Variants in TSPAN32 observed in about 807,000 individuals in gnomAD.
The protein encoded by TSPAN32 is tetraspanin 32.
TSPAN32 carries 47 observed loss-of-function variants against 42.7 expected under a neutral mutation model. That is an observed-to-expected ratio of 1.10 (90% CI 0.87 to 1.40). The LOEUF is 1.40. Among genes scored for constraint, TSPAN32 ranks in the 40% most tolerant of loss-of-function variants. TSPAN32 has a pLI of 0.00. For synonymous variants in TSPAN32, 175 were observed against 175.9 expected (o/e 0.99, Z 0.04); for missense variants, 469 against 424.1 (o/e 1.11, Z -0.93).
chr11:2,310,291 G>A (rs1438532409), intron 4 of TSPAN32, among the ~76,000 whole-genome samples: 2 of 152,204 alleles, frequency 1.3e-5, no homozygotes, highest in African/African-American at 4.8e-5. Flanking sequence ...GGCCATACAG[G>A]GGCCACAGGA....
intron 4 of TSPAN32, 74 bp downstream of exon 4, chr11:2,308,884 C>A: frequency 9.5e-7 from 1 of 1,050,272 alleles, no homozygotes; most frequent in Non-Finnish European, 1.4e-6. Flanking sequence ...GACTGGGGAG[C>A]AGTCCTGGGA....
At chr11:2,306,738 G>A (rs571092196) in intron 3 of TSPAN32, among the ~76,000 whole-genome samples, 32 of 149,120 alleles carry the variant, frequency 2.1e-4, no homozygotes, top group South Asian at 1.7e-3. Flanking sequence ...GGAGGAGGAG[G>A]ACGAAGAAGG....
intron 4 of TSPAN32, chr11:2,309,395 G>A (rs745352695): frequency 1.5e-5 from 7 of 467,564 alleles, no homozygotes; most frequent in Admixed American, 1.4e-4. Flanking sequence ...CAGGGGCCAA[G>A]GGCGTCCCCG....
chr11:2,309,820 C>G (rs2521277), intron 4 of TSPAN32, among the ~76,000 whole-genome samples: 1 of 151,188 alleles, frequency 6.6e-6, no homozygotes, highest in Non-Finnish European at 1.5e-5. Context: ...AATGGGGGGA[C>G]TCAGGCCCTC....
Position 2,316,487 on chromosome 11 carries a change from C to T in TSPAN32, c.628-89C>T, listed in dbSNP as rs1020787042. 3.1e-6 allele frequency: 5 copies of T among 1,599,926 alleles called. No individual in the cohort carries two copies. The African/African-American group carries it at 4.0e-5, about 13-fold the overall frequency. ...GGGCCTGCCTCCTACAGCTGGGCCGCCCCCTTACACTGCAGAGTCCTGATG... is the reference window on the plus strand; with the variant it reads ...GGGCCTGCCTCCTACAGCTGGGCCGTCCCCTTACACTGCAGAGTCCTGATG... On this transcript the variant is annotated intron_variant, in intron 7 of 9. Transcript: ENST00000182290.
At chr11:2,316,102 C>T (rs745638101) in intron 6 of TSPAN32, 127 bp from the exon 7 acceptor site, 4 of 1,527,162 alleles carry the variant, frequency 2.6e-6, no homozygotes, top group Non-Finnish European at 8.8e-7. Flanking sequence ...GAATGTGCCG[C>T]ACCCGCCGCC....
Position 2,314,576 on chromosome 11 carries a change from G to C in TSPAN32, c.543+5G>C, listed in dbSNP as rs771964174. On this transcript the variant is annotated splice_donor_5th_base_variant and intron_variant, in intron 6 of 9. Transcript: ENST00000182290. ...GGAGAGGAGGCGGCGAGAGAGGTGA[G>C]GGGGGGACCTGGATGCTGGCCAGGC... 21 of 1,601,002 alleles carry C rather than the reference G, an allele frequency of 1.3e-5. No homozygotes were observed. The South Asian group carries it at 2.1e-4, about 16-fold the overall frequency.
chr11:2,308,897 A>C (rs1401298027), intron 4 of TSPAN32, 87 bp downstream of exon 4: 3 of 884,938 alleles, frequency 3.4e-6, no homozygotes, highest in Non-Finnish European at 5.3e-6. Flanking sequence ...TCCTGGGAGG[A>C]GCAGCCCCAG....
At chr11:2,308,284 G>A (rs938563060) in intron 3 of TSPAN32, among the ~76,000 whole-genome samples, 39 of 152,060 alleles carry the variant, frequency 2.6e-4, no homozygotes, top group Non-Finnish European at 2.1e-4. Flanking sequence ...AGTGGGGAGC[G>A]GGACTCAGAC....
intron 6 of TSPAN32, 53 bp downstream of exon 6, chr11:2,314,624 C>G: frequency 6.8e-7 from 1 of 1,473,416 alleles, no homozygotes; most frequent in Non-Finnish European, 9.3e-7. Context: ...GGCTGGACAC[C>G]CTGGGGCCCA....
intron 3 of TSPAN32, among the ~76,000 whole-genome samples, chr11:2,305,484 A>G (rs2077114): frequency 0.7 from 106,285 of 152,028 alleles, 37,610 homozygotes; most frequent in Non-Finnish European, 0.75. Flanking sequence ...AGAAAGAACC[A>G]GCGCTGGGGC....
At chr11:2,302,805 A>T (rs774502605) in intron 1 of TSPAN32, 39 bp from the exon 2 acceptor site, 1 of 1,564,828 alleles carries the variant, frequency 6.4e-7, no homozygotes, top group Admixed American at 1.7e-5. Context: ...CTCCTGCAGC[A>T]GTCCCATGCC....
At chr11:2,302,329 G>C in intron 1 of TSPAN32, 114 bp downstream of exon 1, 1 of 1,174,102 alleles carries the variant, frequency 8.5e-7, no homozygotes, top group Non-Finnish European at 1.1e-6. Context: ...CAGCCCTACT[G>C]TCCCTGTCCT....
Position 2,311,068 on chromosome 11 carries a change from G to A in TSPAN32, c.354+2258G>A, listed in dbSNP as rs1848430556. On this transcript the variant is annotated intron_variant, in intron 4 of 9. Coordinates refer to ENST00000182290, the MANE Select transcript of TSPAN32 (RefSeq NM_139022.3). ...AGCCGGGGGCCCAGAGCCCAGCCCG[G>A]CCCATTCACCCATTCCCCCTGTCCC... 2.6e-5 allele frequency among the ~76,000 whole-genome samples: 4 copies of A among 152,328 alleles called. No homozygotes were observed. In the South Asian group the frequency reaches 8.3e-4, roughly 32 times the overall value.
At chr11:2,316,182 A>G in intron 6 of TSPAN32, 47 bp from the exon 7 acceptor site, 1 of 1,515,210 alleles carries the variant, frequency 6.6e-7, no homozygotes, top group Non-Finnish European at 8.9e-7. Flanking sequence ...TTGTCCAGGC[A>G]GGGAGGGCCG....
chr11:2,303,452 AG>A (rs2133286968), intron 2 of TSPAN32: 1 of 190,046 alleles, frequency 5.3e-6, no homozygotes, highest in Non-Finnish European at 1.1e-5. Context: ...AGCGGGAGCG[AG>A]GGCCAGAGCC....
Position 2,302,042 on chromosome 11 carries a change from C to T in TSPAN32, c.-108C>T, listed in dbSNP as rs748595793. ...CGATGTTGACAGACAGACAGAGGGGCGGATGCAGCCTACCTCCTGGGCAGT... is the reference window on the plus strand; with the variant it reads ...CGATGTTGACAGACAGACAGAGGGGTGGATGCAGCCTACCTCCTGGGCAGT... On this transcript the variant is annotated 5_prime_UTR_variant, in exon 1 of 10. Transcript: ENST00000182290. The T allele has an allele frequency of 1.5e-5, 22 of 1,493,770 alleles. No individual in the cohort carries two copies. The highest frequency in any genetic ancestry group is 1.9e-4 in the Middle Eastern group (1 of 5,390). The allele number at this position is 1,493,770 out of a possible 1,614,324, so 92.5% of individuals were successfully genotyped here. A position where few individuals can be genotyped will look rare whatever the true frequency, so the allele number is the denominator to read the frequency against.
In TSPAN32 at chr11:2,309,324, C is replaced by G. The variant is rs1428616361; in HGVS notation, c.354+514C>G. On this transcript the variant is annotated intron_variant, in intron 4 of 9. Coordinates refer to ENST00000182290, the MANE Select transcript of TSPAN32 (RefSeq NM_139022.3). Reference sequence around the variant, plus strand: ...CTCCACCCCCTCCACGGAACAGCACCCATCCTTCCGTCCTGGATGCTGACC... The same window carrying G: ...CTCCACCCCCTCCACGGAACAGCACGCATCCTTCCGTCCTGGATGCTGACC... The G allele has an allele frequency of 6.4e-6, 3 of 470,274 alleles. No homozygotes were observed. In the East Asian group the frequency reaches 2.1e-4, roughly 33 times the overall value. The allele number at this position is 470,274 out of a possible 1,614,324, so 29.1% of individuals were successfully genotyped here.
At chr11:2,306,586 C>T (rs906215454) in intron 3 of TSPAN32, among the ~76,000 whole-genome samples, 4 of 150,776 alleles carry the variant, frequency 2.7e-5, no homozygotes, top group Non-Finnish European at 3.0e-5. Flanking sequence ...AGAGAGAGGC[C>T]GTGGATGCTC....
Sources: allele counts gnomAD v4.1 joint callset (sites outside exome capture counted in the v4.1 genomes callset), GRCh38; gene constraint gnomAD v4.1.1; transcripts MANE v1.5; gene names NCBI Gene and HGNC (gene_info 2026-07-23, HGNC 2026-07-21).